The following HIF3A variants were observed in gnomAD, a reference collection of about 807,000 sequenced individuals.
HIF3A encodes hypoxia inducible factor 3 subunit alpha.
In HIF3A, 41 loss-of-function variants were observed where a neutral mutation model predicts 67.2. That is an observed-to-expected ratio of 0.61 (90% CI 0.48 to 0.79). The LOEUF is 0.79. HIF3A is among the 30% of genes least tolerant of loss of function. The probability of loss-of-function intolerance (pLI) is 0.00; values close to 1 mark genes in which losing one functional copy is unlikely to be tolerated. For synonymous variants in HIF3A, 356 were observed against 374.8 expected (o/e 0.95, Z 0.58); for missense variants, 855 against 898.0 (o/e 0.95, Z 0.61).
chr19:46,300,385 G>A (rs1968218530), intron 1 of HIF3A, among the ~76,000 whole-genome samples: 2 of 152,174 alleles, frequency 1.3e-5, no homozygotes, highest in South Asian at 4.1e-4. Flanking sequence ...CCTTGGCCGG[G>A]CGCGGTGGCT....
Position 46,333,850 on chromosome 19 carries a change from T to G in HIF3A, c.1831-1055T>G, listed in dbSNP as rs868038231. ...CTCTGTCGCCCAGGCTGGAGTGCAG[T>G]GGCGCGATCTCGGCTCACTGCAAAC... On this transcript the variant is annotated intron_variant, in intron 13 of 14. Coordinates refer to ENST00000377670, the MANE Select transcript of HIF3A (RefSeq NM_152795.4). Among the ~76,000 whole-genome samples, 224 of 142,734 alleles carry G rather than the reference T, an allele frequency of 1.6e-3. 2 individuals carry two copies. The highest frequency in any genetic ancestry group is 7.4e-3 in the Middle Eastern group (2 of 272). The allele number at this position is 142,734 out of a possible 152,430, so 93.6% of individuals were successfully genotyped here.
intron 8 of HIF3A, among the ~76,000 whole-genome samples, chr19:46,319,764 CCT>C (rs1346098284): frequency 6.6e-6 from 1 of 152,084 alleles, no homozygotes; most frequent in Non-Finnish European, 1.5e-5. Flanking sequence ...CCCTGGGCCT[CCT>C]CTCTCTGTTC....
At chr19:46,305,043 G>C (rs1968709735) in intron 2 of HIF3A, 1 of 726,362 alleles carries the variant, frequency 1.4e-6, no homozygotes, top group Non-Finnish European at 2.4e-6. Context: ...CACCCTGGGA[G>C]GCCCTGCTTC....
chr19:46,339,430 T>A, intron 14 of HIF3A, 95 bp from the exon 15 acceptor site: 1 of 847,638 alleles, frequency 1.2e-6, no homozygotes. Flanking sequence ...TCCTTAAGAT[T>A]TTAAACATTA....
Position 46,321,837 on chromosome 19 carries a change from G to A in HIF3A, c.1206G>A (p.Leu402=). ...LHPPSLSEAA[L]AADPRRFCSP... ...CGCCTTCCCTGAGCGAGGCTGCCCT[G>A]GCCGCTGACCCCCGCCGTTTCTGCA... The change falls in exon 10 of 15, where the codon CTG becomes CTA. Residue 402 remains leucine, a synonymous_variant. Coordinates refer to ENST00000377670, the MANE Select transcript of HIF3A (RefSeq NM_152795.4). The A allele has an allele frequency of 1.2e-6, 2 of 1,613,888 alleles. No homozygotes were observed. Among genetic ancestry groups the A allele is most frequent in the South Asian group, 1.1e-5 (1 of 91,080 alleles).
intron 6 of HIF3A, among the ~76,000 whole-genome samples, chr19:46,311,244 C>T (rs551966094): frequency 6.6e-6 from 1 of 152,268 alleles, no homozygotes; most frequent in African/African-American, 2.4e-5. Flanking sequence ...TTACCACGAA[C>T]TCAGTGGCTC....
rs1969073711 is a variant in HIF3A, at chr19:46,308,260, C to T, written c.403C>T (p.Pro135Ser). 6.2e-7 allele frequency: 1 copy of T among 1,613,906 alleles called. No homozygotes were observed. Among genetic ancestry groups the T allele is most frequent in the Non-Finnish European group, 8.5e-7 (1 of 1,179,872 alleles). Residue 135 changes from proline (P) to serine (S), a missense_variant, in exon 4 of 15, where the codon CCC becomes TCC. Pro to Ser is a moderately conservative substitution (Grantham distance 74). Around this residue, in one of 3 missense-constraint regions of HIF3A, gnomAD observed 638 missense variants for 660.5 expected, o/e 0.97. Coordinates refer to ENST00000377670, the MANE Select transcript of HIF3A (RefSeq NM_152795.4). ...ACACAGCATCTTTGATTTCATCCAC[C>T]CCTGTGACCAAGAGGAGCTTCAGGA... The part of the protein sequence containing the change: ...IGHSIFDFIH[P>S]CDQEELQDAL...
At chr19:46,312,033 TC>T (rs1363251138) in intron 6 of HIF3A, 127 bp from the exon 7 acceptor site, 1 of 798,360 alleles carries the variant, frequency 1.3e-6, no homozygotes, top group Admixed American at 1.7e-5. Context: ...ACTCCTTTTC[TC>T]TCGGTTACAA....
At chr19:46,311,650 T>G (rs973343537) in intron 6 of HIF3A, among the ~76,000 whole-genome samples, 1 of 151,932 alleles carries the variant, frequency 6.6e-6, no homozygotes, top group Non-Finnish European at 1.5e-5. Context: ...AGATTGAGCC[T>G]GGGAGTTCAA....
At chr19:46,312,882 ATTTTTTTTTTT>A (rs531816670) in intron 8 of HIF3A, 4,522 of 868,034 alleles carry the variant, frequency 5.2e-3, no homozygotes, top group Middle Eastern at 6.4e-3. Context: ...TAGACTGTTA[ATTTTTTTTTTT>A]TTTTTTTTTT....
At chr19:46,298,627 C>A in intron 1 of HIF3A, 2 of 782,992 alleles carry the variant, frequency 2.6e-6, no homozygotes, top group Non-Finnish European at 3.5e-6. Context: ...GTACGGCTTG[C>A]AGCCCAGAGT....
At position 46,308,726 on chromosome 19, in the gene HIF3A, C is replaced by A; in HGVS notation, c.512C>A (p.Thr171Lys). 3.7e-6 allele frequency: 6 copies of A among 1,611,090 alleles called. No individual in the cohort carries two copies. Among genetic ancestry groups the A allele is most frequent in the Non-Finnish European group, 5.1e-6 (6 of 1,178,902 alleles). Reference protein sequence around the residue: ...ERCFSLRMKSTLTSRGRTLNL... With the variant: ...ERCFSLRMKSKLTSRGRTLNL... ...TGCTTCTCCTTGCGCATGAAGAGTA[C>A]ACTCACCAGCCGCGGGCGCACCCTC... is the stretch of plus-strand genomic sequence containing the variant. Residue 171 changes from threonine to lysine, a missense_variant, in exon 5 of 15, where the codon ACA becomes AAA. Around this residue, in one of 3 missense-constraint regions of HIF3A, gnomAD observed 638 missense variants for 660.5 expected, o/e 0.97. Transcript: ENST00000377670.
chr19:46,301,379 T>G (rs974104844), intron 1 of HIF3A, among the ~76,000 whole-genome samples: 4 of 152,016 alleles, frequency 2.6e-5, no homozygotes, highest in African/African-American at 9.7e-5. Flanking sequence ...TTCCCTCGGA[T>G]GGGTCCCAAG....
At chr19:46,316,483 G>A (rs747303473) in intron 8 of HIF3A, among the ~76,000 whole-genome samples, 1 of 151,952 alleles carries the variant, frequency 6.6e-6, no homozygotes, top group Non-Finnish European at 1.5e-5. Flanking sequence ...AGGTATCCAT[G>A]ACAACATTAT....
In HIF3A at chr19:46,331,279, T is replaced by G; in HGVS notation, c.1830+6T>G. 1 of 1,607,668 alleles carries G rather than the reference T, an allele frequency of 6.2e-7. No homozygotes were observed. The highest frequency in any genetic ancestry group is 8.5e-7 in the Non-Finnish European group (1 of 1,174,380). ...TGCTCTTTCCTCTCAGCCTGGTGTG[T>G]TGGGGGATTAATGGGATTCTCTGGC... On this transcript the variant is annotated splice_donor_region_variant and intron_variant, in intron 13 of 14. Coordinates refer to ENST00000377670, the MANE Select transcript of HIF3A (RefSeq NM_152795.4).
intron 13 of HIF3A, 142 bp downstream of exon 13, chr19:46,331,415 C>G (rs900850488): frequency 4.0e-5 from 22 of 549,934 alleles, no homozygotes; most frequent in African/African-American, 2.7e-4. Flanking sequence ...GAGACTAAAG[C>G]CTGATCTTCT....
Position 46,336,337 on chromosome 19 carries a change from C to T in HIF3A, c.1912+1351C>T, listed in dbSNP as rs754694282. On this transcript the variant is annotated intron_variant, in intron 14 of 14. Coordinates refer to ENST00000377670, the MANE Select transcript of HIF3A (RefSeq NM_152795.4). ...TCAATCTCCTAACCTCATGATCCGC[C>T]CACCTCGGCCTCCCAGAGTGCTGGG... 9.2e-5 allele frequency among the ~76,000 whole-genome samples: 14 copies of T among 151,806 alleles called. 1 individual carries two copies. The highest frequency in any genetic ancestry group is 8.8e-5 in the Non-Finnish European group (6 of 67,950).
chr19:46,303,554 G>A, intron 1 of HIF3A: 3 of 1,459,408 alleles, frequency 2.1e-6, no homozygotes, highest in Non-Finnish European at 2.8e-6. Context: ...CCCAGCAGGG[G>A]CCCTCCCTGT....
intron 8 of HIF3A, among the ~76,000 whole-genome samples, chr19:46,319,864 C>T (rs1297819247): frequency 6.6e-6 from 1 of 152,136 alleles, no homozygotes; most frequent in African/African-American, 2.4e-5. Flanking sequence ...TGCTAAATGC[C>T]AGCTCTTTTT....
Sources: gnomAD v4.1 joint callset for allele counts (sites outside exome capture counted in the v4.1 genomes callset) on GRCh38, gnomAD v4.1.1 for gene constraint, gnomAD v4.1.1 regional missense constraint, MANE v1.5 for transcripts, NCBI Gene and HGNC (gene_info 2026-07-23, HGNC 2026-07-21) for gene names.